NBAS: variants seen among roughly 807,000 people sequenced by gnomAD.
NBAS encodes NBAS subunit of NRZ tethering complex, also known as NAG/BC035112 fusion.
In NBAS, 219 loss-of-function variants were observed where a neutral mutation model predicts 302.5. That is an observed-to-expected ratio of 0.72 (90% CI 0.65 to 0.81). NBAS has a LOEUF of 0.81. Among genes scored for constraint, NBAS ranks in the 30% least tolerant of loss-of-function variants. NBAS has a pLI of 0.00. For synonymous variants in NBAS, 1,118 were observed against 1,021.6 expected (o/e 1.09, Z -1.80); for missense variants, 2,932 against 2,841.6 (o/e 1.03, Z -0.72).
chr2:14,859,134 G>A, the NBAS span, among the ~76,000 whole-genome samples: 8 of 151,844 alleles, frequency 5.3e-5, no homozygotes, highest in Non-Finnish European at 8.8e-5. Context: ...ACAAAGAAGT[G>A]AAAGATTTAT....
intron 9 of NBAS, among the ~76,000 whole-genome samples, chr2:15,532,204 T>C (rs1450614686): frequency 6.6e-6 from 1 of 152,112 alleles, no homozygotes; most frequent in African/African-American, 2.4e-5. Flanking sequence ...ATAATCATAC[T>C]ATAGGACAGG....
At chr2:15,024,116 C>T in the NBAS span, among the ~76,000 whole-genome samples, 4 of 151,922 alleles carry the variant, frequency 2.6e-5, no homozygotes, top group South Asian at 2.1e-4. Flanking sequence ...AAACCTCTCC[C>T]TCCTCCCACC....
rs1664698334 is a variant in NBAS, at chr2:15,179,130, G to C, written c.6712-14C>G. ...CTCCTTCACACCCTGAAACCACAGA[G>C]CAGGGGTGAGCGAGAACTCCACGAC... On this transcript the variant is annotated splice_polypyrimidine_tract_variant and intron_variant, in intron 50 of 51. Coordinates refer to ENST00000281513, the MANE Select transcript of NBAS (RefSeq NM_015909.4). 6.2e-7 allele frequency: 1 copy of C among 1,613,848 alleles called. No homozygotes were observed. Among genetic ancestry groups the C allele is most frequent in the Non-Finnish European group, 8.5e-7 (1 of 1,179,966 alleles).
At chr2:15,129,119 C>G in the NBAS span, among the ~76,000 whole-genome samples, 1 of 152,250 alleles carries the variant, frequency 6.6e-6, no homozygotes, top group African/African-American at 2.4e-5. Flanking sequence ...GTGCCATCAG[C>G]AACATTCTTC....
chr2:15,449,455 T>C (rs976767009), intron 21 of NBAS, among the ~76,000 whole-genome samples: 9 of 152,168 alleles, frequency 5.9e-5, no homozygotes, highest in African/African-American at 2.2e-4. Flanking sequence ...AACTAGTACA[T>C]CTTCATTTCT....
the NBAS span, among the ~76,000 whole-genome samples, chr2:15,009,693 C>CAT: frequency 2.7e-3 from 345 of 126,560 alleles, 3 homozygotes; most frequent in African/African-American, 7.9e-3. Context: ...TGTAGGAATG[C>CAT]ATATATATAT....
intron 38 of NBAS, among the ~76,000 whole-genome samples, chr2:15,320,529 T>C (rs1167582734): frequency 6.6e-6 from 1 of 152,204 alleles, no homozygotes; most frequent in Non-Finnish European, 1.5e-5. Flanking sequence ...CTCCTTAAGC[T>C]GATAAACAAC....
the NBAS span, among the ~76,000 whole-genome samples, chr2:15,159,786 T>TAC: frequency 0.3 from 43,257 of 144,726 alleles, 6,323 homozygotes; most frequent in South Asian, 0.44. Context: ...TTACCAGTCA[T>TAC]ACACACACAC....
intron 35 of NBAS, among the ~76,000 whole-genome samples, chr2:15,347,303 A>C (rs1225976717): frequency 1.3e-5 from 2 of 152,170 alleles, no homozygotes; most frequent in African/African-American, 2.4e-5. Context: ...GAAATTCTAC[A>C]TCTAGAGAAA....
At chr2:14,848,708 C>A in the NBAS span, among the ~76,000 whole-genome samples, 2 of 149,832 alleles carry the variant, frequency 1.3e-5, no homozygotes, top group Admixed American at 1.3e-4. Context: ...CAGTGGTTCT[C>A]CCAGCATGCA....
intron 47 of NBAS, among the ~76,000 whole-genome samples, chr2:15,228,225 C>A (rs1002529277): frequency 6.6e-6 from 1 of 152,082 alleles, no homozygotes; most frequent in Non-Finnish European, 1.5e-5. Flanking sequence ...CAAAAGAAGA[C>A]ATGCAAATAC....
the NBAS span, among the ~76,000 whole-genome samples, chr2:14,948,789 T>A: frequency 6.6e-6 from 1 of 152,098 alleles, no homozygotes; most frequent in Non-Finnish European, 1.5e-5. Flanking sequence ...CCAGCAATCC[T>A]TGGCAAAAAG....
At chr2:15,316,968 C>A (rs1196791597) in intron 38 of NBAS, among the ~76,000 whole-genome samples, 1 of 152,190 alleles carries the variant, frequency 6.6e-6, no homozygotes, top group East Asian at 1.9e-4. Context: ...AGACGCTTCC[C>A]AGTAGGGGCC....
At chr2:15,421,592 T>G (rs186943752) in intron 23 of NBAS, among the ~76,000 whole-genome samples, 1 of 151,170 alleles carries the variant, frequency 6.6e-6, no homozygotes, top group East Asian at 1.9e-4. Flanking sequence ...ATAATCCACA[T>G]GAAACATCAA....
chr2:15,551,986 C>G (rs1464539256), intron 5 of NBAS, among the ~76,000 whole-genome samples: 2 of 152,068 alleles, frequency 1.3e-5, no homozygotes, highest in Non-Finnish European at 2.9e-5. Context: ...AATCAAACAG[C>G]CTTAATAGGT....
chr2:15,186,332 T>C (rs1665086142), intron 50 of NBAS, among the ~76,000 whole-genome samples: 1 of 152,132 alleles, frequency 6.6e-6, no homozygotes, highest in Non-Finnish European at 1.5e-5. Context: ...CTCGTTACAA[T>C]GATGTCAAAA....
chr2:15,391,577 T>G (rs1199819943), intron 28 of NBAS, among the ~76,000 whole-genome samples: 2 of 151,896 alleles, frequency 1.3e-5, no homozygotes, highest in African/African-American at 4.8e-5. Flanking sequence ...TCCTAATAGA[T>G]GTATAATTGG....
the NBAS span, among the ~76,000 whole-genome samples, chr2:14,861,278 C>G: frequency 6.6e-6 from 1 of 152,144 alleles, no homozygotes; most frequent in African/African-American, 2.4e-5. Context: ...TTAATTCCAA[C>G]AAAATACGTG....
At chr2:15,128,417 G>C in the NBAS span, among the ~76,000 whole-genome samples, 1 of 152,202 alleles carries the variant, frequency 6.6e-6, no homozygotes, top group Non-Finnish European at 1.5e-5. Context: ...TTTTGGCTAA[G>C]GGATTGGGCC....
Sources: allele counts gnomAD v4.1 joint callset (sites outside exome capture counted in the v4.1 genomes callset), GRCh38; gene constraint gnomAD v4.1.1; transcripts MANE v1.5; gene names NCBI Gene and HGNC (gene_info 2026-07-23, HGNC 2026-07-21).